BNC2: variants seen among roughly 807,000 people sequenced by gnomAD.
BNC2 encodes zinc finger protein basonuclin-2.
Under a neutral mutation model 76.3 loss-of-function variants are expected in BNC2, and 20 were observed. The observed-to-expected ratio is 0.26, with a 90% confidence interval of 0.18 to 0.38. The LOEUF is 0.38. BNC2 is among the 10% of genes least tolerant of loss of function. BNC2 has a pLI of 1.00. For missense variants in BNC2, 1,382 were observed against 1,399.8 expected (o/e 0.99, Z 0.20); for synonymous variants, 582 against 514.8 (o/e 1.13, Z -1.77).
At chr9:16,554,848 A>C (rs917511916) in intron 4 of BNC2, among the ~76,000 whole-genome samples, 1 of 152,160 alleles carries the variant, frequency 6.6e-6, no homozygotes, top group African/African-American at 2.4e-5. Flanking sequence ...AACTGACAGG[A>C]GTCAGTAGAA....
At chr9:16,791,496 T>C (rs1367970763) in intron 1 of BNC2, among the ~76,000 whole-genome samples, 5 of 152,148 alleles carry the variant, frequency 3.3e-5, no homozygotes, top group Admixed American at 2.6e-4. Flanking sequence ...ATTTAGCAAA[T>C]ACAAATTATT....
chr9:16,559,351 C>A (rs924385456), intron 4 of BNC2, among the ~76,000 whole-genome samples: 1 of 152,132 alleles, frequency 6.6e-6, no homozygotes, highest in Non-Finnish European at 1.5e-5. Flanking sequence ...AATTCTTCTT[C>A]CATTGTGGCC....
At chr9:16,682,135 G>A (rs1320012014) in intron 3 of BNC2, among the ~76,000 whole-genome samples, 1 of 151,372 alleles carries the variant, frequency 6.6e-6, no homozygotes, top group Admixed American at 6.6e-5. Context: ...TTAATAAGGT[G>A]GTAAGGAGAA....
intron 6 of BNC2, chr9:16,429,295 C>A (rs1035314877): frequency 6.6e-6 from 1 of 152,198 alleles, no homozygotes; most frequent in Non-Finnish European, 1.5e-5. Flanking sequence ...CAAAACGGAA[C>A]TTACCTGAGT....
rs144511624 is a variant in BNC2, at chr9:16,526,467, C to CTTTTTTTTTTTT, written c.669+26051_669+26062dup. Among the ~76,000 whole-genome samples, 7 of 48,790 alleles carry CTTTTTTTTTTTT rather than the reference C, an allele frequency of 1.4e-4. 1 individual carries two copies. The highest frequency in any genetic ancestry group is 2.6e-4 in the African/African-American group (3 of 11,634). 32.0% of individuals were successfully genotyped at this position (48,790 alleles called of 152,430 possible). On this transcript the variant is annotated intron_variant, in intron 5 of 6. Coordinates refer to ENST00000380672, the MANE Select transcript of BNC2 (RefSeq NM_017637.6). The stretch of plus-strand genomic sequence containing the variant: ...GATTACTTCCCAACATAGTTTAATG[C>CTTTTTTTTTTTT]TTTTTTTTTTTTTTTTTTTTTTTTT...
chr9:16,834,176 T>A (rs1365599686), intron 1 of BNC2, among the ~76,000 whole-genome samples: 1 of 139,546 alleles, frequency 7.2e-6, no homozygotes, highest in Non-Finnish European at 1.5e-5. Flanking sequence ...TCAAAAAAAC[T>A]TTGACCATCA....
chr9:16,746,053 C>T lies in BNC2; in HGVS notation c.4-7568G>A, dbSNP rs1214152074. ...AAATCTTAGGAAACAGATCTAATCC[C>T]ATTGCTTTACTATACAATCAAGGAA... On this transcript the variant is annotated intron_variant, in intron 1 of 6. Coordinates refer to ENST00000380672, the MANE Select transcript of BNC2 (RefSeq NM_017637.6). 2.6e-5 allele frequency among the ~76,000 whole-genome samples: 4 copies of T among 152,312 alleles called. No individual in the cohort carries two copies. The East Asian group carries it at 5.8e-4, about 22-fold the overall frequency.
intron 3 of BNC2, among the ~76,000 whole-genome samples, chr9:16,655,058 C>T (rs1477944262): frequency 3.3e-5 from 5 of 151,756 alleles, no homozygotes; most frequent in African/African-American, 7.3e-5. Context: ...AATCATTATA[C>T]GAATGATTAA....
At chr9:16,771,104 G>A (rs1825821236) in intron 1 of BNC2, among the ~76,000 whole-genome samples, 1 of 152,132 alleles carries the variant, frequency 6.6e-6, no homozygotes, top group African/African-American at 2.4e-5. Context: ...AGGAGACAGA[G>A]GTTGCAGCGA....
At chr9:16,503,288 A>G (rs1822559181) in intron 5 of BNC2, among the ~76,000 whole-genome samples, 1 of 152,186 alleles carries the variant, frequency 6.6e-6, no homozygotes, top group Admixed American at 6.5e-5. Flanking sequence ...TTGAGGGTCA[A>G]AAAACAAAGC....
At chr9:16,491,348 G>T (rs1822276167) in intron 5 of BNC2, among the ~76,000 whole-genome samples, 1 of 152,154 alleles carries the variant, frequency 6.6e-6, no homozygotes, top group Admixed American at 6.5e-5. Flanking sequence ...GGTGGAAAGG[G>T]TCTCATGCTG....
At chr9:16,432,553 G>T (rs537269117) in intron 6 of BNC2, among the ~76,000 whole-genome samples, 6 of 152,196 alleles carry the variant, frequency 3.9e-5, no homozygotes, top group African/African-American at 1.2e-4. Flanking sequence ...TCATGAAGAA[G>T]TCTGCTTTCG....
At chr9:16,554,932 G>A (rs891770326) in intron 4 of BNC2, among the ~76,000 whole-genome samples, 5 of 152,198 alleles carry the variant, frequency 3.3e-5, no homozygotes, top group Non-Finnish European at 7.3e-5. Context: ...TTAAATACAT[G>A]CAGGTGTGTG....
intron 1 of BNC2, among the ~76,000 whole-genome samples, chr9:16,741,038 G>C (rs1824833158): frequency 6.6e-6 from 1 of 152,042 alleles, no homozygotes; most frequent in South Asian, 2.1e-4. Flanking sequence ...GGTCTAACAG[G>C]GTGCTCAATA....
intron 1 of BNC2, among the ~76,000 whole-genome samples, chr9:16,836,297 A>C (rs1818704351): frequency 6.6e-6 from 1 of 152,162 alleles, no homozygotes; most frequent in Admixed American, 6.5e-5. Context: ...GATTTAAATG[A>C]AGAATCAGAG....
At position 16,788,924 on chromosome 9, in the gene BNC2, G is replaced by A. The variant is rs535780399; in HGVS notation, c.4-50439C>T. Among the ~76,000 whole-genome samples the A allele has an allele frequency of 7.2e-5, 11 of 152,078 alleles. No homozygotes were observed. The South Asian group carries it at 2.1e-3, about 29-fold the overall frequency. On this transcript the variant is annotated intron_variant, in intron 1 of 6. Transcript: ENST00000380672. ...AATTCCACCTCCTACCTCAAACCAA[G>A]CTCCTCCTTGGCATCTCTATTCCCT...
At chr9:16,814,836 TGTCCATTG>T (rs1818142296) in intron 1 of BNC2, among the ~76,000 whole-genome samples, 1 of 152,204 alleles carries the variant, frequency 6.6e-6, no homozygotes, top group South Asian at 2.1e-4. Flanking sequence ...AAATCACATC[TGTCCATTG>T]GGATTGACAA....
Position 16,410,543 on chromosome 9 carries a change from A to G in BNC2, c.*8446T>C, listed in dbSNP as rs886104153. Reference sequence around the variant, plus strand: ...GTTTGCACAGGAAAGCAAATGCACCATATACTAGAAATCTTAGATAGTCTT... The same window carrying G: ...GTTTGCACAGGAAAGCAAATGCACCGTATACTAGAAATCTTAGATAGTCTT... On this transcript the variant is annotated 3_prime_UTR_variant, in exon 7 of 7. Transcript: ENST00000380672. 6.5e-6 allele frequency: 1 copy of G among 152,788 alleles called. No homozygotes were observed. Among genetic ancestry groups the G allele is most frequent in the East Asian group, 1.9e-4 (1 of 5,188 alleles). The allele number at this position is 152,788 out of a possible 1,614,324, so 9.5% of individuals were successfully genotyped here.
intron 5 of BNC2, among the ~76,000 whole-genome samples, chr9:16,502,786 C>G (rs1822548343): frequency 6.6e-6 from 1 of 152,170 alleles, no homozygotes; most frequent in African/African-American, 2.4e-5. Flanking sequence ...AAGATTTATT[C>G]TGCTGAAAAG....
Sources: gnomAD v4.1 joint callset for allele counts (sites outside exome capture counted in the v4.1 genomes callset) on GRCh38, gnomAD v4.1.1 for gene constraint, MANE v1.5 for transcripts, NCBI Gene and HGNC (gene_info 2026-07-23, HGNC 2026-07-21) for gene names.